TEX11: variants seen among roughly 807,000 people sequenced by gnomAD.
TEX11 encodes the protein testis expressed 11.
TEX11 carries 7 observed loss-of-function variants against 84.4 expected under a neutral mutation model. The observed-to-expected ratio is 0.08, with a 90% CI of 0.05 to 0.16. TEX11 has a LOEUF of 0.16. TEX11 is among the 10% of genes least tolerant of loss of function. The probability of loss-of-function intolerance (pLI) is 1.00; values close to 1 mark genes in which losing one functional copy is unlikely to be tolerated. For missense variants in TEX11, 551 were observed against 660.5 expected (o/e 0.83, Z 1.82); for synonymous variants, 264 against 222.8 (o/e 1.18, Z -1.64).
chrX:70,808,058 C>T (rs1255592184), intron 8 of TEX11, among the ~76,000 whole-genome samples: 15 of 84,730 alleles, frequency 1.8e-4, no homozygotes, highest in Non-Finnish European at 2.1e-5. Context: ...AAGCCGAGAT[C>T]GTGCCACTGC....
chrX:70,647,517 G>C (rs900143963), intron 17 of TEX11, among the ~76,000 whole-genome samples: 1 of 109,801 alleles, frequency 9.1e-6, no homozygotes, highest in African/African-American at 3.3e-5. Flanking sequence ...TTTGAGGCCA[G>C]CCTGGGCAAC....
At chrX:70,780,721 G>A (rs376145303) in intron 9 of TEX11, among the ~76,000 whole-genome samples, 1 of 112,721 alleles carries the variant, frequency 8.9e-6, no homozygotes, top group Non-Finnish European at 1.9e-5. Context: ...ATCAGTTTGA[G>A]TTCTAACTGC....
intron 15 of TEX11, among the ~76,000 whole-genome samples, chrX:70,678,509 A>T (rs1033945252): frequency 9.0e-6 from 1 of 110,657 alleles, no homozygotes; most frequent in African/African-American, 3.3e-5. Context: ...TTTAAAGGGA[A>T]TAAAACTCTT....
chrX:70,619,987 G>C (rs1274657564), intron 20 of TEX11, among the ~76,000 whole-genome samples: 1 of 109,652 alleles, frequency 9.1e-6, no homozygotes, highest in Non-Finnish European at 1.9e-5. Flanking sequence ...ACCACGCCCA[G>C]CTAATTTTTT....
At chrX:70,854,278 G>A (rs1199546568) in intron 5 of TEX11, among the ~76,000 whole-genome samples, 1 of 111,046 alleles carries the variant, frequency 9.0e-6, no homozygotes, top group Non-Finnish European at 1.9e-5. Context: ...TCATTATTAG[G>A]GATCAACAAA....
At chrX:70,684,791 T>C (rs2090174190) in intron 13 of TEX11, among the ~76,000 whole-genome samples, 1 of 111,457 alleles carries the variant, frequency 9.0e-6, no homozygotes, top group Non-Finnish European at 1.9e-5. Flanking sequence ...TTCACAGAAA[T>C]AGAAAAGCTA....
chrX:70,637,177 T>C (rs1048307301), intron 17 of TEX11, among the ~76,000 whole-genome samples: 7 of 111,781 alleles, frequency 6.3e-5, no homozygotes, highest in African/African-American at 1.3e-4. Context: ...ATTAGGGAAA[T>C]GCAAATCAAA....
At chrX:70,622,285 A>G (rs891303225) in intron 20 of TEX11, among the ~76,000 whole-genome samples, 1 of 112,509 alleles carries the variant, frequency 8.9e-6, no homozygotes, top group Non-Finnish European at 1.9e-5. Context: ...ATCAGGTTCT[A>G]ACCTCTACCT....
At chrX:70,640,509 C>T (rs1227747012) in intron 17 of TEX11, among the ~76,000 whole-genome samples, 2 of 110,814 alleles carry the variant, frequency 1.8e-5, no homozygotes, top group Non-Finnish European at 3.8e-5. Context: ...ATGTTAAGTG[C>T]AGCCAGAGAG....
intron 26 of TEX11, among the ~76,000 whole-genome samples, chrX:70,553,856 G>A (rs761431796): frequency 1.8e-5 from 2 of 111,600 alleles, no homozygotes; most frequent in Non-Finnish European, 3.8e-5. Flanking sequence ...GAGTATCAGA[G>A]GTAACTAACC....
chrX:70,614,787 C>A (rs2089299641), intron 20 of TEX11, among the ~76,000 whole-genome samples: 1 of 110,939 alleles, frequency 9.0e-6, no homozygotes, highest in East Asian at 2.8e-4. Context: ...ATCAACATAC[C>A]CCCAATGCCA....
chrX:70,617,128 A>G (rs2089326487), intron 20 of TEX11, among the ~76,000 whole-genome samples: 1 of 110,655 alleles, frequency 9.0e-6, no homozygotes, highest in Non-Finnish European at 1.9e-5. Context: ...TAGCCCATAA[A>G]TATATACATC....
At chrX:70,564,046 T>C (rs2088416258) in intron 25 of TEX11, among the ~76,000 whole-genome samples, 1 of 112,011 alleles carries the variant, frequency 8.9e-6, no homozygotes, top group African/African-American at 3.2e-5. Flanking sequence ...CTTGCCAACA[T>C]GGTGAAACCC....
At position 70,810,454 on chromosome X, in the gene TEX11, T is replaced by C. The variant is rs778142177; in HGVS notation, c.607-3664A>G. ...GTGGCACATATACACCATGGAATAC[T>C]ATGCAGCCATAAAAAAGAATGAGTT... On this transcript the variant is annotated intron_variant, in intron 8 of 29. Transcript: ENST00000374333. 2.7e-5 allele frequency among the ~76,000 whole-genome samples: 3 copies of C among 112,056 alleles called. No individual in the cohort carries two copies. The East Asian group carries it at 8.4e-4, about 31-fold the overall frequency.
chrX:70,886,322 A>G (rs987335866), intron 2 of TEX11, among the ~76,000 whole-genome samples: 9 of 112,142 alleles, frequency 8.0e-5, no homozygotes, highest in Non-Finnish European at 1.7e-4. Context: ...ACATTATACT[A>G]AGTGAAATAA....
At chrX:70,699,039 C>G (rs937161902) in intron 13 of TEX11, among the ~76,000 whole-genome samples, 15 of 111,520 alleles carry the variant, frequency 1.3e-4, no homozygotes, top group Admixed American at 9.6e-5. Context: ...CTTGCAGTAT[C>G]TGCCTGGTCT....
intron 13 of TEX11, among the ~76,000 whole-genome samples, chrX:70,706,457 T>TA (rs1426294191): frequency 3.6e-5 from 4 of 110,504 alleles, no homozygotes; most frequent in East Asian, 2.8e-4. Flanking sequence ...AAAGTATATA[T>TA]AAAAAAAGAT....
intron 28 of TEX11, among the ~76,000 whole-genome samples, chrX:70,540,466 C>CT (rs1055201533): frequency 2.7e-5 from 3 of 109,238 alleles, no homozygotes; most frequent in Non-Finnish European, 3.8e-5. Context: ...ACTTTACTTT[C>CT]TTTTTTTTTC....
chrX:70,664,789 TG>T (rs2089962490), intron 16 of TEX11, among the ~76,000 whole-genome samples: 1 of 15,846 alleles, frequency 6.3e-5, no homozygotes, highest in Non-Finnish European at 1.5e-4. Flanking sequence ...GTTTCTTTAG[TG>T]GTTTTTTTTT....
Sources: allele counts gnomAD v4.1 joint callset (sites outside exome capture counted in the v4.1 genomes callset), GRCh38; gene constraint gnomAD v4.1.1; transcripts MANE v1.5; gene names NCBI Gene and HGNC (gene_info 2026-07-23, HGNC 2026-07-21).